Variants in IPO11 observed in about 807,000 individuals in gnomAD.
The protein encoded by IPO11 is importin-11.
Under a neutral mutation model 143.2 loss-of-function variants are expected in IPO11, and 66 were observed. That is an observed-to-expected ratio of 0.46 (90% confidence interval 0.38 to 0.57). IPO11 has a LOEUF of 0.57. Ranked by LOEUF, IPO11 falls within the 20% of genes least tolerant of loss-of-function variation. IPO11 has a pLI of 0.00. For missense variants in IPO11, 1,026 were observed against 1,141.0 expected, an observed-to-expected ratio of 0.90 and a Z score of 1.45; for synonymous variants, 385 against 377.8, an observed-to-expected ratio of 1.02 and a Z score of -0.22.
chr5:62,419,099 T>G, intron 1 of IPO11: 1 of 1,550,684 alleles, frequency 6.4e-7, no homozygotes. Context: ...GTTACTGCAC[T>G]GAATACTGTA....
At chr5:62,484,231 G>T (rs1746314190) in intron 11 of IPO11, 69 bp downstream of exon 11, 1 of 1,273,258 alleles carries the variant, frequency 7.9e-7, no homozygotes, top group Non-Finnish European at 1.1e-6. Context: ...TTGAGTGATA[G>T]GTATAATATT....
intron 27 of IPO11, chr5:62,579,715 A>G: frequency 6.5e-7 from 1 of 1,548,518 alleles, no homozygotes; most frequent in Non-Finnish European, 8.7e-7. Flanking sequence ...GTATTTGGAT[A>G]ATTCTAACAT....
At chr5:62,530,274 C>G (rs530918943) in intron 21 of IPO11, among the ~76,000 whole-genome samples, 1 of 152,216 alleles carries the variant, frequency 6.6e-6, no homozygotes, top group East Asian at 1.9e-4. Flanking sequence ...CCAGGGCTAC[C>G]ACATATACCA....
intron 5 of IPO11, 97 bp downstream of exon 5, chr5:62,452,030 G>A (rs1029728498): frequency 5.4e-6 from 5 of 930,670 alleles, no homozygotes; most frequent in Admixed American, 1.9e-5. Context: ...AGGCCGAGGC[G>A]GGTGGATCAC....
At chr5:62,470,813 C>CTTTTTTTTTTTT (rs1745739513) in intron 7 of IPO11, among the ~76,000 whole-genome samples, 1 of 76,262 alleles carries the variant, frequency 1.3e-5, no homozygotes, top group Non-Finnish European at 2.5e-5. Flanking sequence ...AGATAGCCAT[C>CTTTTTTTTTTTT]TTCTTTTTTT....
intron 12 of IPO11, among the ~76,000 whole-genome samples, chr5:62,487,455 A>G (rs919741352): frequency 6.6e-6 from 1 of 152,178 alleles, no homozygotes; most frequent in Non-Finnish European, 1.5e-5. Flanking sequence ...ATGAGTGGCT[A>G]CAGAATGCTT....
chr5:62,576,727 G>A (rs1365891845), intron 27 of IPO11, among the ~76,000 whole-genome samples: 1 of 152,184 alleles, frequency 6.6e-6, no homozygotes, highest in Non-Finnish European at 1.5e-5. Flanking sequence ...ATGCTGTGGT[G>A]AGCTGTACTC....
chr5:62,581,856 C>T lies in IPO11; in HGVS notation c.2583-9721C>T, dbSNP rs529929666. Among the ~76,000 whole-genome samples the T allele has an allele frequency of 2.6e-5, 4 of 152,250 alleles. No individual in the cohort carries two copies. The South Asian group carries it at 6.2e-4, about 24-fold the overall frequency. The stretch of plus-strand genomic sequence containing the variant: ...TACTTGGAGATGCTGTTGAGTATAA[C>T]ATTTGTGGAGGTGAGAGATGGCTTT... On this transcript the variant is annotated intron_variant, in intron 27 of 29. Coordinates refer to ENST00000325324, the MANE Select transcript of IPO11 (RefSeq NM_016338.5).
chr5:62,579,196 T>G (rs1744443157), intron 27 of IPO11, among the ~76,000 whole-genome samples: 1 of 152,136 alleles, frequency 6.6e-6, no homozygotes, highest in Non-Finnish European at 1.5e-5. Flanking sequence ...AACTATTTTG[T>G]CAAATAGTGG....
chr5:62,469,954 A>T (rs1745710806), intron 6 of IPO11, among the ~76,000 whole-genome samples: 1 of 152,216 alleles, frequency 6.6e-6, no homozygotes, highest in Non-Finnish European at 1.5e-5. Flanking sequence ...TCTCAATTTC[A>T]GTTACTGCAG....
chr5:62,443,382 AGT>A (rs4024083), intron 3 of IPO11: 8,955 of 159,374 alleles, frequency 0.056, 250 homozygotes, highest in Middle Eastern at 0.088. Flanking sequence ...TTTCCATTTG[AGT>A]GTGTGTGTGT....
intron 1 of IPO11, among the ~76,000 whole-genome samples, chr5:62,421,557 A>G (rs1393374096): frequency 2.0e-5 from 3 of 152,174 alleles, no homozygotes; most frequent in African/African-American, 7.2e-5. Context: ...AGTTCTAGAA[A>G]TGTCACTAAT....
At chr5:62,524,902 C>T (rs1198051491) in intron 20 of IPO11, among the ~76,000 whole-genome samples, 4 of 151,938 alleles carry the variant, frequency 2.6e-5, no homozygotes, top group Admixed American at 2.6e-4. Context: ...ATTTGGTTTC[C>T]TTTTTGTGTT....
chr5:62,484,685 G>A (rs1199151336), intron 11 of IPO11, among the ~76,000 whole-genome samples: 1 of 151,010 alleles, frequency 6.6e-6, no homozygotes, highest in Non-Finnish European at 1.5e-5. Flanking sequence ...GTACTTACTT[G>A]TATGTGAATT....
intron 29 of IPO11, among the ~76,000 whole-genome samples, chr5:62,612,470 A>C (rs574702474): frequency 6.6e-6 from 1 of 152,336 alleles, no homozygotes; most frequent in South Asian, 2.1e-4. Context: ...TCTTTACTTT[A>C]ACCAAAACAC....
chr5:62,464,143 G>GTTTTTTTTTTTT (rs34056674), intron 5 of IPO11, among the ~76,000 whole-genome samples: 4 of 78,678 alleles, frequency 5.1e-5, no homozygotes, highest in African/African-American at 2.1e-4. Flanking sequence ...GTTTTTGGTG[G>GTTTTTTTTTTTT]TTTTTTTTTT....
At chr5:62,586,758 A>ATAT (rs1744790703) in intron 27 of IPO11, among the ~76,000 whole-genome samples, 1 of 83,260 alleles carries the variant, frequency 1.2e-5, no homozygotes, top group Admixed American at 1.3e-4. Flanking sequence ...TCTCCAAAAA[A>ATAT]AAAAAAAAAA....
chr5:62,586,977 G>C (rs185317765), intron 27 of IPO11, among the ~76,000 whole-genome samples: 65 of 150,230 alleles, frequency 4.3e-4, no homozygotes, highest in African/African-American at 1.6e-3. Flanking sequence ...TTATTCAGCT[G>C]AATTTTTTTT....
intron 27 of IPO11, among the ~76,000 whole-genome samples, chr5:62,566,850 A>G (rs1743960580): frequency 3.3e-5 from 5 of 151,850 alleles, no homozygotes; most frequent in Admixed American, 2.6e-4. Flanking sequence ...GAATATATAT[A>G]TATGTGTGTG....
Sources: allele counts gnomAD v4.1 joint callset (sites outside exome capture counted in the v4.1 genomes callset), GRCh38; gene constraint gnomAD v4.1.1; transcripts MANE v1.5; gene names NCBI Gene and HGNC (gene_info 2026-07-23, HGNC 2026-07-21).